Variants in CPNE4 observed in about 807,000 individuals in gnomAD.
The protein encoded by CPNE4 is copine 4.
In CPNE4, 25 loss-of-function variants were observed where a neutral mutation model predicts 67.9. The observed-to-expected ratio is 0.37, with a 90% confidence interval of 0.27 to 0.51. The LOEUF (loss-of-function observed/expected upper bound fraction) is 0.51, where lower values mean the gene tolerates loss of function less well. Among genes scored for constraint, CPNE4 ranks in the 20% least tolerant of loss-of-function variants. The pLI, the probability that CPNE4 is intolerant of heterozygous loss-of-function variation, is 0.93. For missense variants in CPNE4, 464 were observed against 690.8 expected (o/e 0.67, Z 3.68); for synonymous variants, 242 against 244.9 (o/e 0.99, Z 0.11).
chr3:132,009,568 C>T (rs1024084172), intron 1 of CPNE4, among the ~76,000 whole-genome samples: 2 of 152,116 alleles, frequency 1.3e-5, no homozygotes, highest in African/African-American at 4.8e-5. Context: ...TGGGAAGATG[C>T]CAGCAAGGTG....
intron 2 of CPNE4, among the ~76,000 whole-genome samples, chr3:131,749,698 T>G (rs536068380): frequency 6.6e-6 from 1 of 152,182 alleles, no homozygotes; most frequent in Admixed American, 6.6e-5. Flanking sequence ...TATTATTATA[T>G]AAGATTTCTC....
At chr3:131,992,620 A>G (rs1324390399) in intron 1 of CPNE4, among the ~76,000 whole-genome samples, 1 of 136,140 alleles carries the variant, frequency 7.3e-6, no homozygotes, top group Non-Finnish European at 1.7e-5. Context: ...GGACTGTTGG[A>G]AAGGCATGAT....
At chr3:131,841,555 T>C (rs1477707691) in intron 2 of CPNE4, among the ~76,000 whole-genome samples, 2 of 152,166 alleles carry the variant, frequency 1.3e-5, no homozygotes, top group African/African-American at 4.8e-5. Context: ...GGTTACGTGG[T>C]CCTTATGATA....
At chr3:131,864,768 C>T (rs913243675) in intron 2 of CPNE4, among the ~76,000 whole-genome samples, 1 of 152,034 alleles carries the variant, frequency 6.6e-6, no homozygotes, top group African/African-American at 2.4e-5. Context: ...TGAGAGGGGG[C>T]ATCCCTGTCT....
intron 7 of CPNE4, among the ~76,000 whole-genome samples, chr3:131,645,809 G>A (rs373661131): frequency 1.1e-4 from 16 of 152,242 alleles, no homozygotes; most frequent in African/African-American, 3.9e-4. Context: ...ACTGAGAAGT[G>A]GCTAGGGGCA....
At chr3:131,541,924 G>A (rs1469485335) in intron 15 of CPNE4, among the ~76,000 whole-genome samples, 1 of 152,152 alleles carries the variant, frequency 6.6e-6, no homozygotes, top group Non-Finnish European at 1.5e-5. Context: ...ACCCACCTTG[G>A]CCTCCCAAAC....
At chr3:131,686,107 C>G in intron 5 of CPNE4, 149 bp from the exon 6 acceptor site, 1 of 592,966 alleles carries the variant, frequency 1.7e-6, no homozygotes, top group South Asian at 2.0e-5. Context: ...CTCTTCCTGC[C>G]CAGTTCTACT....
At chr3:131,720,580 G>A (rs759224427) in intron 3 of CPNE4, among the ~76,000 whole-genome samples, 1 of 152,130 alleles carries the variant, frequency 6.6e-6, no homozygotes, top group Non-Finnish European at 1.5e-5. Flanking sequence ...CACCGCGCCC[G>A]GCTAGGAATG....
At chr3:131,582,054 TG>T (rs1262777657) in intron 8 of CPNE4, among the ~76,000 whole-genome samples, 1 of 152,204 alleles carries the variant, frequency 6.6e-6, no homozygotes, top group African/African-American at 2.4e-5. Context: ...ACTATTAATA[TG>T]GTCAAATAAA....
intron 8 of CPNE4, among the ~76,000 whole-genome samples, chr3:131,585,703 G>A (rs988586369): frequency 6.6e-6 from 1 of 152,108 alleles, no homozygotes; most frequent in Admixed American, 6.6e-5. Flanking sequence ...TCTAGCAGGT[G>A]GTATGAATGC....
At chr3:132,007,610 C>T (rs2073643560) in intron 1 of CPNE4, among the ~76,000 whole-genome samples, 1 of 151,990 alleles carries the variant, frequency 6.6e-6, no homozygotes, top group African/African-American at 2.4e-5. Flanking sequence ...ACCTGCACAA[C>T]CATACACAGC....
At chr3:131,650,233 A>G (rs1410001597) in intron 7 of CPNE4, among the ~76,000 whole-genome samples, 1 of 152,210 alleles carries the variant, frequency 6.6e-6, no homozygotes, top group Non-Finnish European at 1.5e-5. Flanking sequence ...ACAACCATAT[A>G]TGACATAAAA....
chr3:131,757,603 A>G (rs1354539972), intron 2 of CPNE4, among the ~76,000 whole-genome samples: 4 of 152,214 alleles, frequency 2.6e-5, no homozygotes. Flanking sequence ...CCATTTTCTG[A>G]GAAGAAATTC....
chr3:131,574,861 G>A (rs947157060), intron 10 of CPNE4, among the ~76,000 whole-genome samples: 1 of 152,108 alleles, frequency 6.6e-6, no homozygotes, highest in Admixed American at 6.6e-5. Context: ...TAAATTTCCT[G>A]ATATGATGCT....
At chr3:131,579,326 T>A (rs1451756594) in intron 9 of CPNE4, among the ~76,000 whole-genome samples, 1 of 152,224 alleles carries the variant, frequency 6.6e-6, no homozygotes, top group Admixed American at 6.5e-5. Flanking sequence ...ATGTTACAGT[T>A]CATTGACAAT....
upstream of CPNE4, among the ~76,000 whole-genome samples, chr3:132,038,380 C>G (rs1371203551): frequency 7.2e-6 from 1 of 138,636 alleles, no homozygotes; most frequent in African/African-American, 2.7e-5. Flanking sequence ...GTGCCTCTAA[C>G]ATTGGGTAAC....
At chr3:131,704,235 A>T (rs1431704596) in intron 3 of CPNE4, among the ~76,000 whole-genome samples, 1 of 152,188 alleles carries the variant, frequency 6.6e-6, no homozygotes, top group Non-Finnish European at 1.5e-5. Context: ...AGGGCTTCCA[A>T]CAGCCAATTC....
chr3:131,882,248 ATAT>A (rs578193443), intron 2 of CPNE4, among the ~76,000 whole-genome samples: 25 of 152,092 alleles, frequency 1.6e-4, no homozygotes, highest in Non-Finnish European at 2.9e-4. Context: ...TATATGTGTC[ATAT>A]TATATTATGT....
chr3:131,813,950 T>G (rs1317143002), intron 2 of CPNE4, among the ~76,000 whole-genome samples: 1 of 152,228 alleles, frequency 6.6e-6, no homozygotes, highest in African/African-American at 2.4e-5. Context: ...CAGAATGTGT[T>G]ACCTCTTCTG....
Sources: allele counts gnomAD v4.1 joint callset (sites outside exome capture counted in the v4.1 genomes callset), GRCh38; gene constraint gnomAD v4.1.1; transcripts MANE v1.5; gene names NCBI Gene and HGNC (gene_info 2026-07-23, HGNC 2026-07-21).